Variants in MOB3B observed in about 807,000 individuals in gnomAD.
MOB3B encodes MOB kinase activator-like 2B.
MOB3B carries 7 observed loss-of-function variants against 18.7 expected under a neutral mutation model. The observed-to-expected ratio is 0.37, with a 90% confidence interval of 0.21 to 0.70. The LOEUF is 0.70. Among genes scored for constraint, MOB3B ranks in the 30% least tolerant of loss-of-function variants. The pLI, the probability that MOB3B is intolerant of heterozygous loss-of-function variation, is 0.52. For missense variants in MOB3B, 253 were observed against 281.3 expected, an observed-to-expected ratio of 0.90 and a Z score of 0.72; for synonymous variants, 111 against 99.9, an observed-to-expected ratio of 1.11 and a Z score of -0.66.
At chr9:27,365,621 A>G (rs1821332954) in intron 2 of MOB3B, among the ~76,000 whole-genome samples, 1 of 152,218 alleles carries the variant, frequency 6.6e-6, no homozygotes, top group Admixed American at 6.5e-5. Flanking sequence ...ATTTGCAATC[A>G]ATAATTGAGA....
chr9:27,413,497 C>T (rs560721480), intron 2 of MOB3B, among the ~76,000 whole-genome samples: 6 of 152,240 alleles, frequency 3.9e-5, no homozygotes, highest in South Asian at 4.1e-4. Context: ...GGTTGCTGCA[C>T]GAGTTATGCC....
intron 1 of MOB3B, among the ~76,000 whole-genome samples, chr9:27,521,963 C>T (rs1243825893): frequency 1.3e-5 from 2 of 151,946 alleles, no homozygotes; most frequent in African/African-American, 2.4e-5. Context: ...AAATACTTGG[C>T]CAGGTACAGT....
intron 1 of MOB3B, among the ~76,000 whole-genome samples, chr9:27,477,491 A>G (rs761537506): frequency 1.3e-5 from 2 of 152,194 alleles, no homozygotes; most frequent in African/African-American, 4.8e-5. Flanking sequence ...TGTCTTTCCC[A>G]TGAGAATGTA....
chr9:27,399,182 A>T (rs985805824), intron 2 of MOB3B, among the ~76,000 whole-genome samples: 1 of 152,166 alleles, frequency 6.6e-6, no homozygotes, highest in African/African-American at 2.4e-5. Context: ...TAAACTCAAG[A>T]TGCAAATTTA....
chr9:27,529,409 G>A (rs1168223558), intron 1 of MOB3B, 146 bp downstream of exon 1: 1 of 359,354 alleles, frequency 2.8e-6, no homozygotes. Context: ...TGGCCGGCGG[G>A]CAGAAGACCG....
intron 2 of MOB3B, among the ~76,000 whole-genome samples, chr9:27,404,849 C>T (rs920181184): frequency 6.6e-6 from 1 of 152,068 alleles, no homozygotes; most frequent in Non-Finnish European, 1.5e-5. Context: ...TACTGTTCTC[C>T]ATAGTGGCTA....
chr9:27,504,951 T>C (rs1820037292), intron 1 of MOB3B, among the ~76,000 whole-genome samples: 1 of 152,112 alleles, frequency 6.6e-6, no homozygotes, highest in African/African-American at 2.4e-5. Flanking sequence ...CACTCTGACC[T>C]CTGCTTCTGT....
intron 1 of MOB3B, among the ~76,000 whole-genome samples, chr9:27,489,741 CTTT>C (rs66757462): frequency 1.4e-5 from 1 of 73,118 alleles, no homozygotes; most frequent in African/African-American, 4.5e-5. Flanking sequence ...AGGAAATAAT[CTTT>C]TTTTTTTTTT....
chr9:27,440,229 A>C (rs959656302), intron 2 of MOB3B, among the ~76,000 whole-genome samples: 1 of 152,174 alleles, frequency 6.6e-6, no homozygotes, highest in Non-Finnish European at 1.5e-5. Flanking sequence ...CAATGTGGCC[A>C]TGTCTCTTTA....
chr9:27,349,598 GT>G (rs1216714461), intron 3 of MOB3B, among the ~76,000 whole-genome samples: 1 of 152,106 alleles, frequency 6.6e-6, no homozygotes, highest in Non-Finnish European at 1.5e-5. Flanking sequence ...AATCCCTGCT[GT>G]GACTGACATC....
chr9:27,468,731 T>C (rs756668394), intron 1 of MOB3B, among the ~76,000 whole-genome samples: 2 of 152,248 alleles, frequency 1.3e-5, no homozygotes, highest in Non-Finnish European at 2.9e-5. Flanking sequence ...ACTGTGTATC[T>C]AAATGATTGT....
intron 3 of MOB3B, among the ~76,000 whole-genome samples, chr9:27,347,629 G>C (rs987165309): frequency 3.3e-5 from 5 of 152,216 alleles, no homozygotes. Flanking sequence ...AGAAGGTATA[G>C]GGTGGAGGTA....
chr9:27,511,999 GT>G (rs397839078), intron 1 of MOB3B, among the ~76,000 whole-genome samples: 1 of 83,348 alleles, frequency 1.2e-5, no homozygotes, highest in African/African-American at 4.7e-5. Flanking sequence ...GACTGACAGT[GT>G]TGTGTGTCCC....
intron 2 of MOB3B, among the ~76,000 whole-genome samples, chr9:27,362,882 TTG>T (rs945565735): frequency 1.3e-5 from 2 of 152,206 alleles, no homozygotes; most frequent in African/African-American, 2.4e-5. Flanking sequence ...ACGTCCAGAT[TTG>T]TGTGTGTGTT....
intron 3 of MOB3B, among the ~76,000 whole-genome samples, chr9:27,354,368 A>G (rs1821153283): frequency 6.6e-6 from 1 of 152,226 alleles, no homozygotes; most frequent in Non-Finnish European, 1.5e-5. Flanking sequence ...AGGGCACAAA[A>G]GCAGTGTGAG....
intron 2 of MOB3B, among the ~76,000 whole-genome samples, chr9:27,388,858 C>G (rs1821685850): frequency 6.6e-6 from 1 of 152,124 alleles, no homozygotes; most frequent in Admixed American, 6.5e-5. Context: ...ATTCCATAAT[C>G]CACAGGCAGA....
intron 1 of MOB3B, among the ~76,000 whole-genome samples, chr9:27,509,282 GAGGA>G (rs1488377369): frequency 6.6e-6 from 1 of 152,082 alleles, no homozygotes; most frequent in Non-Finnish European, 1.5e-5. Context: ...GGAAGGAAGG[GAGGA>G]AGGAAGACAG....
intron 1 of MOB3B, among the ~76,000 whole-genome samples, chr9:27,519,971 G>A (rs547720305): frequency 2.0e-5 from 3 of 152,124 alleles, no homozygotes; most frequent in Non-Finnish European, 2.9e-5. Context: ...GGGAAGTACC[G>A]CTAGGCCTGG....
At chr9:27,445,752 C>T (rs1314867384) in intron 2 of MOB3B, among the ~76,000 whole-genome samples, 1 of 151,898 alleles carries the variant, frequency 6.6e-6, no homozygotes, top group African/African-American at 2.4e-5. Context: ...CTCAGTGGTC[C>T]CCAGACACTG....
Sources: gnomAD v4.1 joint callset for allele counts (sites outside exome capture counted in the v4.1 genomes callset) on GRCh38, gnomAD v4.1.1 for gene constraint, MANE v1.5 for transcripts, NCBI Gene and HGNC (gene_info 2026-07-23, HGNC 2026-07-21) for gene names.